PRELID2: variants seen among roughly 807,000 people sequenced by gnomAD.
PRELID2 encodes the protein PRELI domain containing 2.
PRELID2 carries 25 observed loss-of-function variants against 28.4 expected under a neutral mutation model. The ratio of observed to expected loss-of-function variants is 0.88; its 90% CI spans 0.64 to 1.23. PRELID2 has a LOEUF of 1.23. Among genes scored for constraint, PRELID2 ranks in the 50% most tolerant of loss-of-function variants. PRELID2 has a pLI of 0.00. For missense variants in PRELID2, 201 were observed against 214.4 expected (o/e 0.94, Z 0.39); for synonymous variants, 76 against 71.6 (o/e 1.06, Z -0.31).
chr5:145,272,741 T>G, the PRELID2 span, among the ~76,000 whole-genome samples: 1 of 152,188 alleles, frequency 6.6e-6, no homozygotes, highest in South Asian at 2.1e-4. Flanking sequence ...TAGTACTCTA[T>G]AATTTTAGAC....
At chr5:145,812,938 T>C (rs1754052465) in intron 4 of PRELID2, among the ~76,000 whole-genome samples, 1 of 152,242 alleles carries the variant, frequency 6.6e-6, no homozygotes, top group Non-Finnish European at 1.5e-5. Flanking sequence ...AAGCCCAATG[T>C]AGTTCTCTCA....
intron 1 of PRELID2, among the ~76,000 whole-genome samples, chr5:145,656,690 G>A (rs947538626): frequency 2.8e-5 from 4 of 143,676 alleles, no homozygotes; most frequent in East Asian, 2.1e-4. Context: ...TTCATAGGTG[G>A]AAATTGAACA....
the PRELID2 span, among the ~76,000 whole-genome samples, chr5:145,442,819 G>A: frequency 1.3e-5 from 2 of 151,968 alleles, no homozygotes; most frequent in Non-Finnish European, 2.9e-5. Context: ...ATATTAATCA[G>A]CAGTAACAGT....
At chr5:145,514,548 G>T (rs911069944) in intron 1 of PRELID2, among the ~76,000 whole-genome samples, 14 of 152,062 alleles carry the variant, frequency 9.2e-5, no homozygotes, top group African/African-American at 3.1e-4. Context: ...CAATAATAGT[G>T]GGAGACTTTA....
the PRELID2 span, among the ~76,000 whole-genome samples, chr5:145,433,547 A>G: frequency 2.6e-5 from 4 of 152,044 alleles, no homozygotes; most frequent in Non-Finnish European, 5.9e-5. Flanking sequence ...TCCAACAACA[A>G]CTGGTCCTTT....
the PRELID2 span, among the ~76,000 whole-genome samples, chr5:145,416,810 G>A: frequency 6.6e-6 from 1 of 151,952 alleles, no homozygotes; most frequent in East Asian, 1.9e-4. Flanking sequence ...AACTGAAGCA[G>A]ACAAAGATAT....
At chr5:145,730,334 G>C (rs1221671410) in intron 1 of PRELID2, among the ~76,000 whole-genome samples, 1 of 152,142 alleles carries the variant, frequency 6.6e-6, no homozygotes, top group Non-Finnish European at 1.5e-5. Context: ...GAAGAGAAGA[G>C]AAGTGTAATT....
the PRELID2 span, among the ~76,000 whole-genome samples, chr5:145,306,754 T>C: frequency 6.6e-6 from 1 of 152,090 alleles, no homozygotes; most frequent in Non-Finnish European, 1.5e-5. Context: ...TATTAGTTTA[T>C]GAATTACGTA....
At chr5:145,577,635 T>C (rs1753072040) in intron 1 of PRELID2, among the ~76,000 whole-genome samples, 2 of 152,096 alleles carry the variant, frequency 1.3e-5, no homozygotes, top group African/African-American at 2.4e-5. Context: ...ATTTTTCAAG[T>C]CTTAGAAGTT....
At chr5:145,443,164 C>T in the PRELID2 span, among the ~76,000 whole-genome samples, 5 of 152,154 alleles carry the variant, frequency 3.3e-5, no homozygotes, top group African/African-American at 9.6e-5. Flanking sequence ...ACTGTTGGCT[C>T]GTTCTGGCAG....
intron 2 of PRELID2, 99 bp from the exon 3 acceptor site, chr5:145,820,117 TTTTTTG>T (rs202078404): frequency 0.037 from 14,996 of 402,078 alleles, 7 homozygotes; most frequent in Non-Finnish European, 0.046. Flanking sequence ...TTGTTTTTTG[TTTTTTG>T]TTTTTTTTTT....
chr5:145,528,360 T>C (rs75283079), intron 1 of PRELID2, among the ~76,000 whole-genome samples: 2,240 of 152,246 alleles, frequency 0.015, 52 homozygotes, highest in African/African-American at 0.052. Context: ...AGTAACTATT[T>C]GTTGAATGAC....
the PRELID2 span, among the ~76,000 whole-genome samples, chr5:145,367,017 A>AT: frequency 0.045 from 6,851 of 151,852 alleles, 542 homozygotes; most frequent in African/African-American, 0.16. Flanking sequence ...GGTTTCTAGC[A>AT]TTTTTTCCCT....
At chr5:145,695,647 G>T (rs1004097155) in intron 1 of PRELID2, among the ~76,000 whole-genome samples, 1 of 152,104 alleles carries the variant, frequency 6.6e-6, no homozygotes, top group Non-Finnish European at 1.5e-5. Context: ...GCTTCACGGG[G>T]TCTTGGGCAT....
At chr5:145,682,674 G>A (rs1294004703) in intron 1 of PRELID2, among the ~76,000 whole-genome samples, 2 of 152,176 alleles carry the variant, frequency 1.3e-5, no homozygotes, top group Non-Finnish European at 2.9e-5. Flanking sequence ...CAGCCATGAG[G>A]AGGGAAATGC....
At chr5:145,251,090 T>A in the PRELID2 span, among the ~76,000 whole-genome samples, 5 of 152,070 alleles carry the variant, frequency 3.3e-5, no homozygotes, top group African/African-American at 1.2e-4. Context: ...CTTCCCCTAG[T>A]CAGATGTACA....
intron 1 of PRELID2, among the ~76,000 whole-genome samples, chr5:145,656,322 A>T (rs944744243): frequency 6.6e-6 from 1 of 152,210 alleles, no homozygotes; most frequent in Non-Finnish European, 1.5e-5. Flanking sequence ...AACTAGCTCA[A>T]TCACTGTGGA....
At chr5:145,522,152 A>G (rs747062025) in intron 1 of PRELID2, among the ~76,000 whole-genome samples, 28 of 152,316 alleles carry the variant, frequency 1.8e-4, no homozygotes, top group Admixed American at 1.0e-3. Flanking sequence ...GAAATAAAAC[A>G]TTACAAATTA....
chr5:145,666,374 C>G (rs1754594757), intron 1 of PRELID2, among the ~76,000 whole-genome samples: 1 of 152,054 alleles, frequency 6.6e-6, no homozygotes, highest in African/African-American at 2.4e-5. Context: ...AAGGGTAAAT[C>G]AACAACTCCA....
Sources: gnomAD v4.1 joint callset for allele counts (sites outside exome capture counted in the v4.1 genomes callset) on GRCh38, gnomAD v4.1.1 for gene constraint, MANE v1.5 for transcripts, NCBI Gene and HGNC (gene_info 2026-07-23, HGNC 2026-07-21) for gene names.